The following CREM variants were observed in gnomAD, a reference collection of about 807,000 sequenced individuals.
CREM encodes cAMP responsive element modulator, also known as cAMP-responsive element modulator.
Under a neutral mutation model 37.3 loss-of-function variants are expected in CREM, and 13 were observed. The observed-to-expected ratio is 0.35, with a 90% CI of 0.23 to 0.55. The LOEUF (loss-of-function observed/expected upper bound fraction) is 0.55. Among genes scored for constraint, CREM ranks in the 20% least tolerant of loss-of-function variants. The pLI, the probability that CREM is intolerant of heterozygous loss-of-function variation, is 0.88. For missense variants in CREM, 296 were observed against 362.3 expected (o/e 0.82, Z 1.49); for synonymous variants, 124 against 120.2 (o/e 1.03, Z -0.21).
chr10:35,126,950 G>C lies in CREM; in HGVS notation c.-298G>C, dbSNP rs539833331. The C allele has an allele frequency of 1.1e-3, 167 of 152,368 alleles. 1 individual carries two copies. The highest frequency in any genetic ancestry group is 3.8e-3 in the African/African-American group (160 of 41,560). 9.4% of individuals were successfully genotyped at this position (152,368 alleles called of 1,614,324 possible). ...CTCCCCCGGGAGGCCGTCCCGGCGT[G>C]GGGGAGGGGAGGACGGGGCGGGAGG... On this transcript the variant is annotated 5_prime_UTR_variant, in exon 1 of 8. Transcript: ENST00000685392.
intron 3 of CREM, among the ~76,000 whole-genome samples, chr10:35,163,680 G>T (rs1387906277): frequency 6.6e-6 from 1 of 152,072 alleles, no homozygotes; most frequent in Non-Finnish European, 1.5e-5. Flanking sequence ...AAGTAGCCAG[G>T]CATGGTGGTG....
chr10:35,141,761 A>T (rs1328560935), intron 2 of CREM, among the ~76,000 whole-genome samples: 1 of 152,152 alleles, frequency 6.6e-6, no homozygotes, highest in African/African-American at 2.4e-5. Flanking sequence ...GTAGGGAGAG[A>T]TTTGAGAGTG....
At chr10:35,200,277 C>T (rs1451461138) in intron 6 of CREM, among the ~76,000 whole-genome samples, 3 of 152,108 alleles carry the variant, frequency 2.0e-5, no homozygotes, top group South Asian at 2.1e-4. Flanking sequence ...TTTCAGTGTT[C>T]GTAATTTCCC....
At chr10:35,181,959 G>A (rs1198611050) in intron 5 of CREM, among the ~76,000 whole-genome samples, 1 of 152,282 alleles carries the variant, frequency 6.6e-6, no homozygotes, top group South Asian at 2.1e-4. Flanking sequence ...CTTAATTTGA[G>A]TCTATACAGT....
intron 3 of CREM, among the ~76,000 whole-genome samples, chr10:35,165,066 A>AT (rs1267593976): frequency 1.3e-5 from 2 of 150,850 alleles, no homozygotes; most frequent in African/African-American, 4.9e-5. Flanking sequence ...CAAAAAAAAA[A>AT]AAAAAAAAAA....
chr10:35,155,800 T>A (rs1440211866), intron 3 of CREM, among the ~76,000 whole-genome samples: 1 of 151,644 alleles, frequency 6.6e-6, no homozygotes, highest in Admixed American at 6.6e-5. Flanking sequence ...GCTAATTGTT[T>A]TTGTAGTTTT....
At chr10:35,174,233 C>T (rs1176539429) in intron 3 of CREM, among the ~76,000 whole-genome samples, 1 of 152,162 alleles carries the variant, frequency 6.6e-6, no homozygotes, top group African/African-American at 2.4e-5. Context: ...ACATAAAGCC[C>T]TCACTTACTG....
chr10:35,156,056 C>T (rs570424092), intron 3 of CREM, among the ~76,000 whole-genome samples: 1 of 150,722 alleles, frequency 6.6e-6, no homozygotes, highest in East Asian at 2.0e-4. Flanking sequence ...TCTCCTGCCT[C>T]AGCCTCCTTA....
intron 6 of CREM, among the ~76,000 whole-genome samples, chr10:35,190,703 T>C (rs1043441578): frequency 1.3e-5 from 2 of 152,120 alleles, no homozygotes; most frequent in African/African-American, 4.8e-5. Flanking sequence ...CTCGCTCTGT[T>C]GCCCTGCCTG....
intron 1 of CREM, chr10:35,135,449 T>TA (rs1408030394): frequency 2.3e-4 from 35 of 152,272 alleles, no homozygotes; most frequent in African/African-American, 7.9e-4. Context: ...ATATAAGTGT[T>TA]ACAGCTCTTA....
In CREM at chr10:35,175,318, C is replaced by T. The variant is rs576880656; in HGVS notation, c.169-3571C>T. Among the ~76,000 whole-genome samples the T allele has an allele frequency of 1.5e-4, 23 of 152,222 alleles. No individual in the cohort carries two copies. In the South Asian group the frequency reaches 4.4e-3, roughly 29 times the overall value. ...ACAATTAGCTGAGCGTGGTGGCGGG[C>T]ACCTGTAGTCCCAGCTACTCAGGAG... On this transcript the variant is annotated intron_variant, in intron 3 of 7. Coordinates refer to ENST00000685392, the MANE Select transcript of CREM (RefSeq NM_183011.2).
chr10:35,131,671 TG>T (rs1192793323), intron 1 of CREM, among the ~76,000 whole-genome samples: 1 of 152,202 alleles, frequency 6.6e-6, no homozygotes, highest in African/African-American at 2.4e-5. Flanking sequence ...TGTTCAGATG[TG>T]TAAGATAGGA....
chr10:35,207,970 A>T (rs551225484), intron 7 of CREM, among the ~76,000 whole-genome samples: 1 of 152,338 alleles, frequency 6.6e-6, no homozygotes, highest in East Asian at 1.9e-4. Context: ...ATTTTTAAAA[A>T]TAATGATTAA....
At chr10:35,137,995 T>G (rs1433461600) in intron 2 of CREM, 116 bp downstream of exon 2, 1 of 610,378 alleles carries the variant, frequency 1.6e-6, no homozygotes, top group Non-Finnish European at 2.5e-6. Flanking sequence ...TATATTCTAT[T>G]ATAATATATA....
chr10:35,192,000 T>G (rs2094937210), intron 6 of CREM, among the ~76,000 whole-genome samples: 1 of 152,204 alleles, frequency 6.6e-6, no homozygotes, highest in East Asian at 1.9e-4. Context: ...AAAGTCACTG[T>G]GTAGATTCTT....
chr10:35,155,838 C>A (rs1432030496), intron 3 of CREM, among the ~76,000 whole-genome samples: 1 of 151,578 alleles, frequency 6.6e-6, no homozygotes, highest in Non-Finnish European at 1.5e-5. Context: ...ACCGTGTTAG[C>A]CAGGATGATC....
chr10:35,169,790 T>A (rs910539246), intron 3 of CREM, among the ~76,000 whole-genome samples: 1 of 151,900 alleles, frequency 6.6e-6, no homozygotes. Flanking sequence ...TTATTGAGAG[T>A]TTTTAGCATG....
At chr10:35,190,235 G>T (rs977608148) in intron 6 of CREM, among the ~76,000 whole-genome samples, 8 of 152,268 alleles carry the variant, frequency 5.3e-5, no homozygotes, top group Non-Finnish European at 1.0e-4. Context: ...AAGTCACAAA[G>T]ATTTTTTTCC....
rs1043849388 is a variant in CREM at position 35,195,836 on chromosome 10, C to T, written c.598+7448C>T. On this transcript the variant is annotated intron_variant, in intron 6 of 7. Transcript: ENST00000685392. ...AGGGGAAGTGGAAAAGTTAAAACTC[C>T]AAGCGAGCTGCACATTGACGTCAGC... 56 of 540,380 alleles carry T rather than the reference C, an allele frequency of 1.0e-4. No individual in the cohort carries two copies. In the East Asian group the frequency reaches 1.7e-3, roughly 17 times the overall value. The allele number at this position is 540,380 out of a possible 1,614,324, so 33.5% of individuals were successfully genotyped here. A position where few individuals can be genotyped will look rare whatever the true frequency, so the allele number is the denominator to read the frequency against.
Sources: gnomAD v4.1 joint callset for allele counts (sites outside exome capture counted in the v4.1 genomes callset) on GRCh38, gnomAD v4.1.1 for gene constraint, MANE v1.5 for transcripts, NCBI Gene and HGNC (gene_info 2026-07-23, HGNC 2026-07-21) for gene names.